Variants in IFNAR2 observed in about 807,000 individuals in gnomAD.
IFNAR2 encodes interferon alpha/beta receptor 2.
In IFNAR2, 30 loss-of-function variants were observed where a neutral mutation model predicts 49.4. That is an observed-to-expected ratio of 0.61 (90% CI 0.45 to 0.82). The LOEUF is 0.82. Ranked by LOEUF, IFNAR2 falls within the 40% of genes least tolerant of loss-of-function variation. The pLI is 0.00. For synonymous variants in IFNAR2, 224 were observed against 234.5 expected (o/e 0.96, Z 0.41); for missense variants, 600 against 622.7 (o/e 0.96, Z 0.39).
chr21:33,252,409 A>C (rs765180609), intron 6 of IFNAR2: 6 of 957,664 alleles, frequency 6.3e-6, no homozygotes, highest in Admixed American at 6.2e-5. Context: ...CTTTTATCTC[A>C]TTTGTAAAAT....
chr21:33,259,792 C>CT (rs1384578395), intron 7 of IFNAR2, among the ~76,000 whole-genome samples: 3 of 152,208 alleles, frequency 2.0e-5, no homozygotes, highest in Non-Finnish European at 4.4e-5. Context: ...CCTGTGCTAT[C>CT]TAACAGTGTT....
chr21:33,249,506 C>T (rs774164138), intron 6 of IFNAR2, among the ~76,000 whole-genome samples: 82 of 152,282 alleles, frequency 5.4e-4, no homozygotes, highest in Non-Finnish European at 1.0e-3. Flanking sequence ...TGAAAAGCAT[C>T]TGTCGCTGCC....
chr21:33,230,103 C>T lies in IFNAR2; in HGVS notation c.-197C>T. 1.0e-6 allele frequency: 1 copy of T among 990,532 alleles called. No individual in the cohort carries two copies. The allele number at this position is 990,532 out of a possible 1,614,324, so 61.4% of individuals were successfully genotyped here. The stretch of plus-strand genomic sequence containing the variant: ...TTTGTCCCCCGCCCGCCGCTTCTGT[C>T]CGAGAGGCCGCCCGCGAGGCGCATC... On this transcript the variant is annotated 5_prime_UTR_variant, in exon 1 of 9. Coordinates refer to ENST00000342136, the MANE Select transcript of IFNAR2 (RefSeq NM_001289125.3). This position sits in a 1 kb window ranked among gnomAD's most constrained non-coding sequence, Gnocchi z 5.5.
chr21:33,232,427 GA>G (rs1986130982), intron 1 of IFNAR2, among the ~76,000 whole-genome samples: 1 of 152,108 alleles, frequency 6.6e-6, no homozygotes, highest in South Asian at 2.1e-4. Context: ...CAGAGCCACT[GA>G]AAATTTTCTC....
rs200039707 is a variant in IFNAR2, at chr21:33,263,544, G to A, written c.*44G>A. 6.5e-7 allele frequency: 1 copy of A among 1,536,262 alleles called. No homozygotes were observed. The highest frequency in any genetic ancestry group is 1.4e-5 in the African/African-American group (1 of 72,592). On this transcript the variant is annotated 3_prime_UTR_variant, in exon 9 of 9. Transcript: ENST00000342136. ...AACTTGGACAGACAAGCACCTACAG[G>A]GTTCTTTGTCTCTGCATCCTAACTT...
chr21:33,240,547 TGTG>T (rs974457571), intron 1 of IFNAR2, among the ~76,000 whole-genome samples: 1 of 152,164 alleles, frequency 6.6e-6, no homozygotes, highest in Non-Finnish European at 1.5e-5. Context: ...TGTGGCTAGG[TGTG>T]GTGCTCACAT....
chr21:33,249,511 G>A (rs773900968), intron 6 of IFNAR2, among the ~76,000 whole-genome samples: 6 of 152,168 alleles, frequency 3.9e-5, no homozygotes, highest in Non-Finnish European at 7.4e-5. Context: ...AGCATCTGTC[G>A]CTGCCTCTCT....
intron 8 of IFNAR2, among the ~76,000 whole-genome samples, chr21:33,261,242 GGC>G (rs1988553020): frequency 6.6e-6 from 1 of 151,742 alleles, no homozygotes; most frequent in Admixed American, 6.6e-5. Flanking sequence ...TTGCTATGTT[GGC>G]CAGGCTGGTC....
intron 5 of IFNAR2, 132 bp from the exon 6 acceptor site, chr21:33,248,577 C>A: frequency 1.5e-6 from 1 of 669,198 alleles, no homozygotes. Flanking sequence ...ATAGCATTAG[C>A]AATGAAAAAT....
At chr21:33,260,790 T>A (rs1184214217) in intron 8 of IFNAR2, 63 bp downstream of exon 8, 2 of 1,042,610 alleles carry the variant, frequency 1.9e-6, no homozygotes, top group Non-Finnish European at 2.7e-6. Context: ...AACTTAAGAA[T>A]TTGTATTTAT....
At chr21:33,259,075 A>G (rs1032997038) in intron 7 of IFNAR2, among the ~76,000 whole-genome samples, 4 of 152,100 alleles carry the variant, frequency 2.6e-5, no homozygotes, top group African/African-American at 9.7e-5. Flanking sequence ...CATTGTGATC[A>G]GATATTACCA....
chr21:33,236,921 A>G (rs1986505501), intron 1 of IFNAR2: 2 of 977,398 alleles, frequency 2.0e-6, no homozygotes. Context: ...CAAGAGTTTT[A>G]AGGAGCTCCA....
chr21:33,261,045 T>A (rs1370555247), intron 8 of IFNAR2, among the ~76,000 whole-genome samples: 3 of 140,950 alleles, frequency 2.1e-5, no homozygotes, highest in African/African-American at 7.9e-5. Flanking sequence ...CTTTTTTTTT[T>A]TTTTTTTTTT....
intron 4 of IFNAR2, among the ~76,000 whole-genome samples, chr21:33,245,623 G>A (rs1321468985): frequency 2.0e-5 from 3 of 152,224 alleles, no homozygotes; most frequent in South Asian, 4.1e-4. Context: ...AGGGGTTGCT[G>A]CAAGGATTCG....
At chr21:33,261,111 A>T (rs1988544456) in intron 8 of IFNAR2, among the ~76,000 whole-genome samples, 1 of 138,908 alleles carries the variant, frequency 7.2e-6, no homozygotes, top group Non-Finnish European at 1.5e-5. Flanking sequence ...ATCTCAGCTG[A>T]CTGTAACCTC....
intron 1 of IFNAR2, among the ~76,000 whole-genome samples, chr21:33,232,563 A>T (rs984249714): frequency 1.3e-5 from 2 of 152,018 alleles, no homozygotes; most frequent in East Asian, 1.9e-4. Flanking sequence ...TTAAAAAAAA[A>T]TTTAAAATTT....
At chr21:33,237,168 G>A (rs2123452895) in intron 1 of IFNAR2, among the ~76,000 whole-genome samples, 1 of 151,552 alleles carries the variant, frequency 6.6e-6, no homozygotes. Context: ...AGATGAAGAT[G>A]TGCCACCGTT....
intron 4 of IFNAR2, 94 bp from the exon 5 acceptor site, chr21:33,246,624 G>A: frequency 1.2e-6 from 1 of 857,104 alleles, no homozygotes; most frequent in Non-Finnish European, 1.8e-6. Context: ...TTTGGGCAGA[G>A]CCCTAAAGGA....
chr21:33,234,296 AAAG>A (rs1327448302), intron 1 of IFNAR2, among the ~76,000 whole-genome samples: 1 of 152,058 alleles, frequency 6.6e-6, no homozygotes, highest in Non-Finnish European at 1.5e-5. Flanking sequence ...ACAGAAGAAA[AAAG>A]AAAGATGTTT....
Sources: gnomAD v4.1 joint callset for allele counts (sites outside exome capture counted in the v4.1 genomes callset) on GRCh38, gnomAD v4.1.1 for gene constraint, Gnocchi (gnomAD v3.1) non-coding constraint, MANE v1.5 for transcripts, NCBI Gene and HGNC (gene_info 2026-07-23, HGNC 2026-07-21) for gene names.